Variants in UNC13C observed in about 807,000 individuals in gnomAD.
UNC13C encodes the protein protein unc-13 homolog C.
In UNC13C, 174 loss-of-function variants were observed where a neutral mutation model predicts 245.4. The ratio of observed to expected loss-of-function variants is 0.71; its 90% CI spans 0.63 to 0.80. The LOEUF is 0.80. Ranked by LOEUF, UNC13C falls within the 30% of genes least tolerant of loss-of-function variation. The pLI, the probability that UNC13C is intolerant of heterozygous loss-of-function variation, is 0.00. For synonymous variants in UNC13C, 992 were observed against 895.1 expected (o/e 1.11, Z -1.93); for missense variants, 2,829 against 2,602.9 (o/e 1.09, Z -1.89).
intron 1 of UNC13C, among the ~76,000 whole-genome samples, chr15:53,979,856 A>G (rs1405959905): frequency 1.3e-5 from 2 of 152,226 alleles, no homozygotes; most frequent in African/African-American, 2.4e-5. Context: ...TTAGAAAATC[A>G]TCTTACCACC....
intron 1 of UNC13C, among the ~76,000 whole-genome samples, chr15:53,993,899 T>G: frequency 6.6e-6 from 1 of 152,070 alleles, no homozygotes; most frequent in Non-Finnish European, 1.5e-5. Flanking sequence ...GGCCCTATTC[T>G]TAATGTAGTT....
chr15:54,085,313 A>C (rs1221157088), intron 2 of UNC13C, among the ~76,000 whole-genome samples: 1 of 152,184 alleles, frequency 6.6e-6, no homozygotes, highest in Non-Finnish European at 1.5e-5. Context: ...GTTTAGTTGC[A>C]CTTTTGACAG....
the UNC13C span, among the ~76,000 whole-genome samples, chr15:53,939,265 A>G: frequency 6.6e-6 from 1 of 152,196 alleles, no homozygotes; most frequent in Non-Finnish European, 1.5e-5. Flanking sequence ...CTGGACACGT[A>G]CACCGTCTCA....
intron 4 of UNC13C, among the ~76,000 whole-genome samples, chr15:54,153,262 ATAAT>A (rs1379738915): frequency 1.3e-5 from 2 of 151,874 alleles, no homozygotes; most frequent in Non-Finnish European, 2.9e-5. Context: ...ATAAAATAAA[ATAAT>A]TAAGCAACAC....
chr15:54,003,633 G>T (rs1055432112), intron 1 of UNC13C, among the ~76,000 whole-genome samples: 1 of 152,158 alleles, frequency 6.6e-6, no homozygotes, highest in Non-Finnish European at 1.5e-5. Flanking sequence ...AGTGAATAGG[G>T]TGTCCATCCC....
intron 4 of UNC13C, among the ~76,000 whole-genome samples, chr15:54,213,191 T>C (rs566774853): frequency 1.4e-3 from 219 of 152,132 alleles, no homozygotes; most frequent in Non-Finnish European, 2.7e-3. Flanking sequence ...TGTTTACATA[T>C]ATTGAAGCAT....
chr15:53,904,582 A>C, the UNC13C span, among the ~76,000 whole-genome samples: 1 of 152,182 alleles, frequency 6.6e-6, no homozygotes, highest in Non-Finnish European at 1.5e-5. Flanking sequence ...TCACAAAGTA[A>C]TATTCTATTT....
At chr15:54,282,460 C>G (rs1320318325) in intron 10 of UNC13C, among the ~76,000 whole-genome samples, 1 of 152,058 alleles carries the variant, frequency 6.6e-6, no homozygotes, top group Non-Finnish European at 1.5e-5. Flanking sequence ...AGGAGTAAGC[C>G]CCATGTGGGA....
the UNC13C span, among the ~76,000 whole-genome samples, chr15:53,972,963 T>C: frequency 6.6e-6 from 1 of 152,056 alleles, no homozygotes; most frequent in Non-Finnish European, 1.5e-5. Flanking sequence ...ACATAAGACA[T>C]TTAGTGAGAA....
At chr15:54,031,179 G>A (rs1317039306) in intron 2 of UNC13C, among the ~76,000 whole-genome samples, 3 of 152,114 alleles carry the variant, frequency 2.0e-5, no homozygotes, top group African/African-American at 7.2e-5. Flanking sequence ...TGCATTTTAT[G>A]TCTTTTCTAT....
intron 8 of UNC13C, among the ~76,000 whole-genome samples, chr15:54,263,600 G>C (rs12916984): frequency 2.0e-5 from 3 of 151,832 alleles, no homozygotes; most frequent in African/African-American, 7.3e-5. Context: ...AAGAGAGTTC[G>C]AGTCGGTGTT....
chr15:54,180,856 T>G (rs573803717), intron 4 of UNC13C, among the ~76,000 whole-genome samples: 1 of 152,182 alleles, frequency 6.6e-6, no homozygotes, highest in South Asian at 2.1e-4. Context: ...TTTTGCTTGT[T>G]GATTTGTTTA....
At chr15:54,629,599 A>C (rs1901403397), downstream of UNC13C, 1 of 92,812 alleles carries the variant, frequency 1.1e-5, no homozygotes, top group South Asian at 3.5e-4. Context: ...AACATGCAAC[A>C]TGGTTAAAAA....
At position 53,992,640 on chromosome 15, in the gene UNC13C, C is replaced by G. The variant is rs1894442804; in HGVS notation, c.-257+13713C>G. On this transcript the variant is annotated intron_variant, in intron 1 of 32. Transcript: ENST00000260323. Reference sequence around the variant, plus strand: ...CCTAAGGCCTTGGCCTTGGCAAATCCAACCTGCCCAAGCTGAGAATTCAAC... The same window carrying G: ...CCTAAGGCCTTGGCCTTGGCAAATCGAACCTGCCCAAGCTGAGAATTCAAC... 2.0e-5 allele frequency among the ~76,000 whole-genome samples: 3 copies of G among 152,050 alleles called. No homozygotes were observed. In the South Asian group the frequency reaches 6.2e-4, roughly 32 times the overall value.
At chr15:54,120,585 A>G (rs2030597966) in intron 2 of UNC13C, among the ~76,000 whole-genome samples, 1 of 152,102 alleles carries the variant, frequency 6.6e-6, no homozygotes, top group Admixed American at 6.6e-5. Flanking sequence ...AAGTCTCATT[A>G]TTTAAGAAAT....
chr15:54,103,508 T>C (rs772098719), intron 2 of UNC13C, among the ~76,000 whole-genome samples: 4 of 152,220 alleles, frequency 2.6e-5, no homozygotes, highest in Non-Finnish European at 5.9e-5. Flanking sequence ...AACACAATAG[T>C]ATTACTTCAC....
intron 14 of UNC13C, among the ~76,000 whole-genome samples, chr15:54,329,438 TG>T (rs1189252395): frequency 6.6e-6 from 1 of 152,000 alleles, no homozygotes; most frequent in Non-Finnish European, 1.5e-5. Flanking sequence ...ATTATTGATT[TG>T]CCCCCTGCTA....
chr15:54,329,158 G>GT (rs1567191234), intron 14 of UNC13C, among the ~76,000 whole-genome samples: 1 of 144,374 alleles, frequency 6.9e-6, no homozygotes, highest in East Asian at 2.1e-4. Flanking sequence ...AATTGGATAC[G>GT]TAATAGTTGT....
intron 2 of UNC13C, among the ~76,000 whole-genome samples, chr15:54,113,163 G>A (rs1370376433): frequency 2.0e-5 from 3 of 152,022 alleles, no homozygotes; most frequent in African/African-American, 7.2e-5. Context: ...GTTGGGAGAA[G>A]AGATTATTGC....
Sources: gnomAD v4.1 joint callset for allele counts (sites outside exome capture counted in the v4.1 genomes callset) on GRCh38, gnomAD v4.1.1 for gene constraint, MANE v1.5 for transcripts, NCBI Gene and HGNC (gene_info 2026-07-23, HGNC 2026-07-21) for gene names.